Variants in PRKCH observed in about 807,000 individuals in gnomAD.
PRKCH encodes the protein protein kinase C eta.
Under a neutral mutation model 82.5 loss-of-function variants are expected in PRKCH, and 28 were observed. That is an observed-to-expected ratio of 0.34 (90% confidence interval 0.25 to 0.47). The LOEUF (loss-of-function observed/expected upper bound fraction) is 0.47. PRKCH is among the 20% of genes least tolerant of loss of function. PRKCH has a pLI of 1.00. For synonymous variants in PRKCH, 322 were observed against 327.4 expected, an observed-to-expected ratio of 0.98 and a Z score of 0.18; for missense variants, 705 against 881.8, an observed-to-expected ratio of 0.80 and a Z score of 2.54.
chr14:61,484,640 G>T (rs1886127404), intron 9 of PRKCH, among the ~76,000 whole-genome samples: 1 of 152,034 alleles, frequency 6.6e-6, no homozygotes, highest in Non-Finnish European at 1.5e-5. Flanking sequence ...CTGCTAGGTT[G>T]AGAGTCACTT....
intron 2 of PRKCH, among the ~76,000 whole-genome samples, chr14:61,419,413 C>G (rs1882718702): frequency 4.6e-5 from 7 of 152,202 alleles, no homozygotes; most frequent in Admixed American, 4.6e-4. Flanking sequence ...GTTGTAGAAG[C>G]TGTTGTGTGT....
At chr14:61,449,297 G>A (rs1406142852) in intron 5 of PRKCH, 45 bp downstream of exon 5, 24 of 1,503,004 alleles carry the variant, frequency 1.6e-5, no homozygotes, top group Non-Finnish European at 2.2e-5. Context: ...TGTGTATTGT[G>A]TATGCTGTGT....
At chr14:61,519,332 TTG>T (rs2139990075) in intron 10 of PRKCH, among the ~76,000 whole-genome samples, 1 of 151,764 alleles carries the variant, frequency 6.6e-6, no homozygotes, top group East Asian at 1.9e-4. Flanking sequence ...AATAAAATTT[TTG>T]TAGAGACAGG....
chr14:61,201,380 G>T (rs765122445), intron 1 of PRKCH, among the ~76,000 whole-genome samples: 2 of 152,066 alleles, frequency 1.3e-5, no homozygotes, highest in Admixed American at 6.6e-5. Context: ...ATTCTAAGCC[G>T]CATGATTTAC....
intron 1 of PRKCH, among the ~76,000 whole-genome samples, chr14:61,258,661 A>T (rs542503810): frequency 6.6e-6 from 1 of 152,198 alleles, no homozygotes. Context: ...CAATCCTCCA[A>T]TTAAAATGCC....
chr14:61,432,185 T>C (rs1883434943), intron 2 of PRKCH, among the ~76,000 whole-genome samples: 1 of 152,198 alleles, frequency 6.6e-6, no homozygotes, highest in African/African-American at 2.4e-5. Context: ...AGAATGTTTT[T>C]AACTCCAGTC....
Position 61,366,622 on chromosome 14 carries a change from C to A in PRKCH, c.364-24603C>A, listed in dbSNP as rs117594390. On this transcript the variant is annotated intron_variant, in intron 1 of 13. Coordinates refer to ENST00000332981, the MANE Select transcript of PRKCH (RefSeq NM_006255.5). ...TTCCTGTGTATAAGGAAATGGATGT[C>A]GGTCATTTCAACTGTACTGTTAATT... Among the ~76,000 whole-genome samples the A allele has an allele frequency of 2.8e-3, 427 of 152,122 alleles. 2 individuals are homozygous for A. The highest frequency in any genetic ancestry group is 0.01 in the Middle Eastern group (3 of 294).
At chr14:61,304,539 T>C (rs1223522989) in intron 1 of PRKCH, 1 of 152,010 alleles carries the variant, frequency 6.6e-6, no homozygotes, top group Non-Finnish European at 1.5e-5. Context: ...AATGTTAGAA[T>C]TCTGGCCAGG....
chr14:61,408,437 G>A (rs1882083537), intron 2 of PRKCH, among the ~76,000 whole-genome samples: 1 of 152,136 alleles, frequency 6.6e-6, no homozygotes. Context: ...AAAATTTCCT[G>A]GGAATTGCTA....
intron 10 of PRKCH, among the ~76,000 whole-genome samples, chr14:61,499,790 A>T (rs1170761133): frequency 6.6e-6 from 1 of 151,678 alleles, no homozygotes; most frequent in Non-Finnish European, 1.5e-5. Flanking sequence ...ACTTTCAGGG[A>T]TGTACGGCTT....
At chr14:61,210,699 T>C (rs184943759) in intron 1 of PRKCH, among the ~76,000 whole-genome samples, 3 of 151,674 alleles carry the variant, frequency 2.0e-5, no homozygotes, top group East Asian at 3.9e-4. Flanking sequence ...GTGAACATCA[T>C]TGGAATAAAT....
chr14:61,311,969 A>T (rs1386314431), intron 1 of PRKCH, among the ~76,000 whole-genome samples: 1 of 152,202 alleles, frequency 6.6e-6, no homozygotes, highest in Non-Finnish European at 1.5e-5. Flanking sequence ...TCATGAGAAC[A>T]ATGTGAGAGA....
At chr14:61,332,142 C>A (rs957531869) in intron 1 of PRKCH, among the ~76,000 whole-genome samples, 6 of 152,150 alleles carry the variant, frequency 3.9e-5, no homozygotes, top group African/African-American at 1.4e-4. Context: ...CATTATTGTC[C>A]CAAAGTATCT....
At chr14:61,238,749 T>C (rs2044811127) in intron 1 of PRKCH, among the ~76,000 whole-genome samples, 1 of 152,198 alleles carries the variant, frequency 6.6e-6, no homozygotes, top group South Asian at 2.1e-4. Context: ...CTCTTCTCTG[T>C]CTTTTCCCCA....
chr14:61,292,409 G>C (rs1013665696), intron 1 of PRKCH, among the ~76,000 whole-genome samples: 3 of 152,096 alleles, frequency 2.0e-5, no homozygotes, highest in Non-Finnish European at 2.9e-5. Flanking sequence ...TTGAGCCCAG[G>C]AAGTCATGAC....
At chr14:61,281,373 G>A (rs2045264787) in intron 1 of PRKCH, 2 of 346,636 alleles carry the variant, frequency 5.8e-6, no homozygotes, top group South Asian at 3.1e-4. Context: ...CCGCCCAGGT[G>A]CGCTGCACCC....
At chr14:61,460,706 C>A (rs906652270) in intron 9 of PRKCH, among the ~76,000 whole-genome samples, 1 of 152,162 alleles carries the variant, frequency 6.6e-6, no homozygotes, top group Non-Finnish European at 1.5e-5. Context: ...ATTTGCTGGG[C>A]TGCGTCTCTA....
intron 1 of PRKCH, among the ~76,000 whole-genome samples, chr14:61,240,102 C>T (rs780417844): frequency 2.0e-5 from 3 of 152,142 alleles, no homozygotes; most frequent in South Asian, 4.1e-4. Context: ...CATGGTGATA[C>T]GGCTCCAGTG....
chr14:61,447,101 G>A (rs1274138135), intron 4 of PRKCH, among the ~76,000 whole-genome samples: 1 of 152,100 alleles, frequency 6.6e-6, no homozygotes, highest in Non-Finnish European at 1.5e-5. Flanking sequence ...AAAGCAAACT[G>A]GCATAGGTAT....
Sources: gnomAD v4.1 joint callset for allele counts (sites outside exome capture counted in the v4.1 genomes callset) on GRCh38, gnomAD v4.1.1 for gene constraint, MANE v1.5 for transcripts, NCBI Gene and HGNC (gene_info 2026-07-23, HGNC 2026-07-21) for gene names.